The following CNTNAP2 variants were observed in gnomAD, a reference collection of about 807,000 sequenced individuals.
CNTNAP2 encodes the protein contactin-associated protein-like 2.
Under a neutral mutation model 155.2 loss-of-function variants are expected in CNTNAP2, and 98 were observed. That is an observed-to-expected ratio of 0.63 (90% CI 0.54 to 0.75). The LOEUF is 0.75. Ranked by LOEUF, CNTNAP2 falls within the 30% of genes least tolerant of loss-of-function variation. CNTNAP2 has a pLI of 0.00. For missense variants in CNTNAP2, 1,727 were observed against 1,688.1 expected (o/e 1.02, Z -0.40); for synonymous variants, 651 against 631.2 (o/e 1.03, Z -0.47).
At chr7:146,217,550 T>C (rs2116891548) in intron 1 of CNTNAP2, among the ~76,000 whole-genome samples, 1 of 152,270 alleles carries the variant, frequency 6.6e-6, no homozygotes, top group East Asian at 1.9e-4. Context: ...CGCAGGGAAA[T>C]TAAATAACCA....
chr7:147,987,314 C>T (rs1387099472), intron 15 of CNTNAP2, among the ~76,000 whole-genome samples: 3 of 152,220 alleles, frequency 2.0e-5, no homozygotes, highest in Non-Finnish European at 4.4e-5. Context: ...TACTCAACTT[C>T]AGCTGCAAAC....
At chr7:146,716,982 A>G (rs1236975461) in intron 1 of CNTNAP2, among the ~76,000 whole-genome samples, 2 of 152,262 alleles carry the variant, frequency 1.3e-5, no homozygotes, top group East Asian at 3.9e-4. Context: ...ACAGACTCTC[A>G]TTAGAGGAGA....
intron 20 of CNTNAP2, among the ~76,000 whole-genome samples, chr7:148,241,428 G>T (rs1225908562): frequency 6.6e-6 from 1 of 152,196 alleles, no homozygotes; most frequent in Non-Finnish European, 1.5e-5. Flanking sequence ...TTCCCAGCAT[G>T]CAGCATGGCT....
chr7:146,496,129 A>G (rs185818533), intron 1 of CNTNAP2, among the ~76,000 whole-genome samples: 2 of 152,228 alleles, frequency 1.3e-5, no homozygotes, highest in East Asian at 3.9e-4. Flanking sequence ...CTCCAAGTGT[A>G]TTTGTAACCC....
intron 2 of CNTNAP2, among the ~76,000 whole-genome samples, chr7:146,819,380 C>A (rs1000803623): frequency 4.6e-5 from 7 of 152,130 alleles, no homozygotes; most frequent in African/African-American, 1.4e-4. Flanking sequence ...CATTATCTCA[C>A]AAAATGATAC....
intron 1 of CNTNAP2, among the ~76,000 whole-genome samples, chr7:146,259,509 C>A (rs753086107): frequency 6.6e-6 from 1 of 152,064 alleles, no homozygotes; most frequent in Admixed American, 6.6e-5. Context: ...TGAGGAACTT[C>A]GTGAGAACTG....
At chr7:147,592,870 A>G (rs987742325) in intron 12 of CNTNAP2, among the ~76,000 whole-genome samples, 5 of 152,274 alleles carry the variant, frequency 3.3e-5, no homozygotes, top group African/African-American at 1.2e-4. Context: ...AGCCAAAATT[A>G]TCTATTGCTC....
chr7:147,758,054 A>C (rs2116514057), intron 13 of CNTNAP2, among the ~76,000 whole-genome samples: 1 of 152,342 alleles, frequency 6.6e-6, no homozygotes, highest in Middle Eastern at 3.4e-3. Flanking sequence ...ACACCTTCAA[A>C]GTCTCTTAGA....
intron 10 of CNTNAP2, among the ~76,000 whole-genome samples, chr7:147,451,765 C>CAAA (rs113417672): frequency 2.8e-5 from 3 of 108,326 alleles, no homozygotes; most frequent in East Asian, 2.5e-4. Context: ...TTGTTTCTTC[C>CAAA]AAAAAAAAAA....
At chr7:147,452,136 G>A (rs1229942270) in intron 10 of CNTNAP2, among the ~76,000 whole-genome samples, 1 of 152,180 alleles carries the variant, frequency 6.6e-6, no homozygotes, top group Non-Finnish European at 1.5e-5. Context: ...TGACATGAGT[G>A]TTTTGAGATA....
At chr7:147,774,290 GA>G (rs2116541612) in intron 13 of CNTNAP2, among the ~76,000 whole-genome samples, 1 of 152,240 alleles carries the variant, frequency 6.6e-6, no homozygotes, top group South Asian at 2.1e-4. Flanking sequence ...AGAACTTAAG[GA>G]ATAGCAGGGA....
chr7:147,378,516 C>G (rs1404663759), intron 9 of CNTNAP2, among the ~76,000 whole-genome samples: 3 of 151,948 alleles, frequency 2.0e-5, no homozygotes, highest in African/African-American at 7.2e-5. Flanking sequence ...GAAAGACAAA[C>G]TATGTGCGTT....
At chr7:146,233,679 T>C (rs1406382238) in intron 1 of CNTNAP2, among the ~76,000 whole-genome samples, 3 of 152,154 alleles carry the variant, frequency 2.0e-5, no homozygotes, top group African/African-American at 7.2e-5. Flanking sequence ...TGTGTTCTCA[T>C]TGTTCAATTC....
At chr7:147,734,548 A>T (rs967713060) in intron 13 of CNTNAP2, among the ~76,000 whole-genome samples, 3 of 152,012 alleles carry the variant, frequency 2.0e-5, no homozygotes, top group African/African-American at 7.3e-5. Flanking sequence ...GTTAGGGAGG[A>T]TTCCCTCTTT....
intron 1 of CNTNAP2, among the ~76,000 whole-genome samples, chr7:146,659,170 TTAAAG>T (rs1800043482): frequency 6.6e-6 from 1 of 152,272 alleles, no homozygotes; most frequent in African/African-American, 2.4e-5. Context: ...TTCTCAGTGA[TTAAAG>T]AAAAGGGCGC....
At chr7:146,671,594 C>T (rs574578145) in intron 1 of CNTNAP2, among the ~76,000 whole-genome samples, 3 of 152,102 alleles carry the variant, frequency 2.0e-5, no homozygotes, top group South Asian at 4.2e-4. Context: ...CTTCAAATTT[C>T]CCATACATAA....
Position 146,313,977 on chromosome 7 carries a change from T to G in CNTNAP2, c.97+197004T>G, listed in dbSNP as rs568703111. 1.3e-4 allele frequency among the ~76,000 whole-genome samples: 20 copies of G among 152,178 alleles called. No individual in the cohort carries two copies. In the South Asian group the frequency reaches 3.1e-3, roughly 24 times the overall value. The stretch of plus-strand genomic sequence containing the variant: ...TGGCACCACTGCACTCCGGTCTGTA[T>G]GAAAGAAAGAGACTCCATCTCAAAA... On this transcript the variant is annotated intron_variant, in intron 1 of 23. Transcript: ENST00000361727.
chr7:146,496,403 T>A (rs778264984), intron 1 of CNTNAP2, among the ~76,000 whole-genome samples: 1 of 152,234 alleles, frequency 6.6e-6, no homozygotes, highest in East Asian at 1.9e-4. Context: ...TAGCAAATGA[T>A]GATAAATACA....
At chr7:146,968,347 C>T (rs952830445) in intron 3 of CNTNAP2, among the ~76,000 whole-genome samples, 1 of 151,656 alleles carries the variant, frequency 6.6e-6, no homozygotes, top group African/African-American at 2.4e-5. Flanking sequence ...GGAGGATTCC[C>T]TCTTTTTCTA....
Sources: gnomAD v4.1 joint callset for allele counts (sites outside exome capture counted in the v4.1 genomes callset) on GRCh38, gnomAD v4.1.1 for gene constraint, MANE v1.5 for transcripts, NCBI Gene and HGNC (gene_info 2026-07-23, HGNC 2026-07-21) for gene names.